Variants in ADAMTS17 observed in about 807,000 individuals in gnomAD.
ADAMTS17 encodes ADAM metallopeptidase with thrombospondin type 1 motif 17.
In ADAMTS17, 113 loss-of-function variants were observed where a neutral mutation model predicts 141.5. That is an observed-to-expected ratio of 0.80 (90% CI 0.69 to 0.93). The LOEUF is 0.93. Ranked by LOEUF, ADAMTS17 falls within the 40% of genes least tolerant of loss-of-function variation. The pLI, the probability that ADAMTS17 is intolerant of heterozygous loss-of-function variation, is 0.00. For synonymous variants in ADAMTS17, 768 were observed against 630.6 expected (o/e 1.22, Z -3.27); for missense variants, 1,659 against 1,517.9 (o/e 1.09, Z -1.54).
In ADAMTS17 at chr15:99,993,280, G is replaced by A; in HGVS notation, c.2797-80C>T. On this transcript the variant is annotated intron_variant, in intron 19 of 21. Transcript: ENST00000268070. This position sits in a 1 kb window ranked among gnomAD's most constrained non-coding sequence, Gnocchi z 4.3. ...AACAGCTATTAACTCCCTCCAATGT[G>A]CCAGGTGCGGTGTGGGGATGATACA... is the stretch of plus-strand genomic sequence containing the variant. The A allele has an allele frequency of 6.4e-7, 1 of 1,569,658 alleles. No homozygotes were observed.
chr15:99,978,821 G>A (rs2060421885), intron 20 of ADAMTS17: 4 of 152,184 alleles, frequency 2.6e-5, no homozygotes, highest in Non-Finnish European at 4.4e-5. Flanking sequence ...TGGTGGAGGG[G>A]GTCCCAAGAC....
In ADAMTS17 at chr15:100,209,117, A is replaced by C. The variant is rs1471148815; in HGVS notation, c.1076-9694T>G. The stretch of plus-strand genomic sequence containing the variant: ...TGGAAATATTTGCCAAGTTAGCAAA[A>C]AAAAAAAAAAAAAAAAGGAAGAAAG... On this transcript the variant is annotated intron_variant, in intron 7 of 21. Transcript: ENST00000268070. Among the ~76,000 whole-genome samples, 24 of 123,592 alleles carry C rather than the reference A, an allele frequency of 1.9e-4. 1 individual carries two copies. Among genetic ancestry groups the C allele is most frequent in the South Asian group, 1.8e-3 (6 of 3,408 alleles). 81.1% of individuals were successfully genotyped at this position (123,592 alleles called of 152,430 possible).
chr15:99,987,648 G>C (rs151108272), intron 20 of ADAMTS17, among the ~76,000 whole-genome samples: 11 of 152,160 alleles, frequency 7.2e-5, no homozygotes, highest in African/African-American at 2.4e-4. Flanking sequence ...AAAAACGCTC[G>C]GGAAGCCTCA....
rs1281358965 is a variant in ADAMTS17 at position 99,993,442 on chromosome 15, G to T, written c.2797-242C>A. Among the ~76,000 whole-genome samples the T allele has an allele frequency of 6.6e-6, 1 of 152,174 alleles. No individual in the cohort carries two copies. The highest frequency in any genetic ancestry group is 2.4e-5 in the African/African-American group (1 of 41,442). On this transcript the variant is annotated intron_variant, in intron 19 of 21. Transcript: ENST00000268070. The surrounding 1 kb of genome is among the most constrained non-coding windows in gnomAD (Gnocchi z 4.3). The stretch of plus-strand genomic sequence containing the variant: ...GGAATCAGGAGTGGGAAGAACCTGG[G>T]GTACTCATAAGGTCACATGAGGGGA...
At chr15:100,284,497 G>T (rs1380545660) in intron 3 of ADAMTS17, among the ~76,000 whole-genome samples, 1 of 152,144 alleles carries the variant, frequency 6.6e-6, no homozygotes, top group Non-Finnish European at 1.5e-5. Context: ...GAAACCCCTG[G>T]ATTTTGGAAC....
rs566290663 is a variant in ADAMTS17, at chr15:100,084,339, G to T, written c.2137+12017C>A. The stretch of plus-strand genomic sequence containing the variant: ...GAGGCTTGAGTAGGTAAACAAAGCC[G>T]CCGGGAAGCTCGAACTGGGTGGAGC... On this transcript the variant is annotated intron_variant, in intron 15 of 21. Transcript: ENST00000268070. 7.2e-5 allele frequency among the ~76,000 whole-genome samples: 11 copies of T among 152,342 alleles called. No individual in the cohort carries two copies. The South Asian group carries it at 1.7e-3, about 23-fold the overall frequency.
At chr15:100,039,175 G>T (rs2031027031) in intron 18 of ADAMTS17, among the ~76,000 whole-genome samples, 1 of 152,238 alleles carries the variant, frequency 6.6e-6, no homozygotes, top group South Asian at 2.1e-4. Context: ...TGTCCATGTT[G>T]TTGATTTCTT....
At chr15:100,172,025 A>T (rs2040180012) in intron 8 of ADAMTS17, among the ~76,000 whole-genome samples, 1 of 152,172 alleles carries the variant, frequency 6.6e-6, no homozygotes, top group Non-Finnish European at 1.5e-5. Context: ...AACAATGTAG[A>T]CACTAATCCC....
At chr15:100,157,223 C>G (rs948191232) in intron 8 of ADAMTS17, among the ~76,000 whole-genome samples, 1 of 152,132 alleles carries the variant, frequency 6.6e-6, no homozygotes, top group Non-Finnish European at 1.5e-5. Flanking sequence ...GATTACAATT[C>G]AAAATGAGAT....
intron 8 of ADAMTS17, among the ~76,000 whole-genome samples, chr15:100,199,056 G>C (rs2041224172): frequency 6.6e-6 from 1 of 152,216 alleles, no homozygotes; most frequent in Non-Finnish European, 1.5e-5. Flanking sequence ...GACATCCTGA[G>C]AGGAACCTCT....
chr15:100,255,617 AAC>A (rs10529356), intron 6 of ADAMTS17, among the ~76,000 whole-genome samples: 2,023 of 140,148 alleles, frequency 0.014, 48 homozygotes, highest in African/African-American at 0.05. Flanking sequence ...TGTTTTGAGC[AAC>A]ACACACACAC....
chr15:99,990,186 C>T (rs2060663288), intron 20 of ADAMTS17, among the ~76,000 whole-genome samples: 1 of 152,162 alleles, frequency 6.6e-6, no homozygotes, highest in Non-Finnish European at 1.5e-5. Flanking sequence ...TGGGCATGTG[C>T]CACCACGCCC....
intron 15 of ADAMTS17, among the ~76,000 whole-genome samples, chr15:100,087,486 T>G (rs553488513): frequency 4.3e-4 from 66 of 152,338 alleles, no homozygotes; most frequent in Middle Eastern, 3.4e-3. Flanking sequence ...TAACTCATTT[T>G]ATGAGGCCAG....
chr15:100,080,941 T>A (rs1046840920), intron 15 of ADAMTS17, among the ~76,000 whole-genome samples: 5 of 152,300 alleles, frequency 3.3e-5, no homozygotes, highest in African/African-American at 1.2e-4. Flanking sequence ...AGGAGATGTG[T>A]ATGGGTTCAA....
At chr15:100,269,500 G>A (rs2043831492) in intron 4 of ADAMTS17, among the ~76,000 whole-genome samples, 1 of 152,128 alleles carries the variant, frequency 6.6e-6, no homozygotes, top group African/African-American at 2.4e-5. Flanking sequence ...TGTATTCATT[G>A]AGGAAAACTG....
At chr15:100,202,350 A>C (rs968935103) in intron 7 of ADAMTS17, among the ~76,000 whole-genome samples, 1 of 152,254 alleles carries the variant, frequency 6.6e-6, no homozygotes, top group Non-Finnish European at 1.5e-5. Context: ...TATTTACAAG[A>C]AATGCTCTTG....
intron 7 of ADAMTS17, among the ~76,000 whole-genome samples, chr15:100,203,501 C>T (rs1337399513): frequency 3.9e-5 from 6 of 152,138 alleles, no homozygotes; most frequent in Non-Finnish European, 7.4e-5. Context: ...GTCAGGAGAT[C>T]GAGACCATCC....
At chr15:100,231,796 T>C (rs571538128) in intron 7 of ADAMTS17, among the ~76,000 whole-genome samples, 11 of 152,176 alleles carry the variant, frequency 7.2e-5, no homozygotes, top group Non-Finnish European at 1.0e-4. Flanking sequence ...GGGTATGCAT[T>C]TTCTGGCCTC....
chr15:100,080,358 G>A (rs1254069313), intron 15 of ADAMTS17, among the ~76,000 whole-genome samples: 1 of 152,176 alleles, frequency 6.6e-6, no homozygotes, highest in Non-Finnish European at 1.5e-5. Flanking sequence ...GGACTATCAA[G>A]ATGAAATCAG....
Sources: allele counts gnomAD v4.1 joint callset (sites outside exome capture counted in the v4.1 genomes callset), GRCh38; gene constraint gnomAD v4.1.1; non-coding constraint Gnocchi (gnomAD v3.1); transcripts MANE v1.5; gene names NCBI Gene and HGNC (gene_info 2026-07-23, HGNC 2026-07-21).